Variants in RAB37 observed in about 807,000 individuals in gnomAD.
RAB37 encodes RAB37, member RAS oncogene family.
RAB37 carries 29 observed loss-of-function variants against 33.1 expected under a neutral mutation model. The ratio of observed to expected loss-of-function variants is 0.88; its 90% confidence interval spans 0.65 to 1.20. The LOEUF is 1.20. Among genes scored for constraint, RAB37 ranks in the 50% most tolerant of loss-of-function variants. The pLI, the probability that RAB37 is intolerant of heterozygous loss-of-function variation, is 0.00. For missense variants in RAB37, 299 were observed against 301.1 expected, an observed-to-expected ratio of 0.99 and a Z score of 0.05; for synonymous variants, 128 against 119.5, an observed-to-expected ratio of 1.07 and a Z score of -0.47.
intron 1 of RAB37, among the ~76,000 whole-genome samples, chr17:74,695,536 CCT>C (rs1321122719): frequency 6.6e-6 from 1 of 152,180 alleles, no homozygotes; most frequent in Admixed American, 6.5e-5. Context: ...TTTGCCAGTC[CCT>C]GTGTCCCCAG....
At chr17:74,681,152 C>T (rs1357218355) in intron 1 of RAB37, among the ~76,000 whole-genome samples, 2 of 152,260 alleles carry the variant, frequency 1.3e-5, no homozygotes, top group Admixed American at 6.5e-5. Flanking sequence ...CTGACTGCAG[C>T]TCAGTGTGCC....
chr17:74,711,831 TCA>T (rs2033983667), intron 1 of RAB37, among the ~76,000 whole-genome samples: 2 of 152,094 alleles, frequency 1.3e-5, no homozygotes, highest in African/African-American at 4.8e-5. Context: ...TCTGTTTTCC[TCA>T]CAGTACTTAT....
intron 1 of RAB37, among the ~76,000 whole-genome samples, chr17:74,680,496 A>C (rs1483801668): frequency 6.6e-6 from 1 of 152,134 alleles, no homozygotes; most frequent in Admixed American, 6.5e-5. Context: ...AGGGGAAAAA[A>C]TGGAACTTGG....
At chr17:74,737,035 G>A (rs1419074013), upstream of RAB37, 1 of 1,607,444 alleles carries the variant, frequency 6.2e-7, no homozygotes. Flanking sequence ...GAAGCGCACG[G>A]AGCCGAGCCG....
chr17:74,704,290 C>T (rs1304244213), intron 1 of RAB37: 2 of 591,706 alleles, frequency 3.4e-6, no homozygotes, highest in East Asian at 5.6e-5. Context: ...TGGAGGGAGC[C>T]CTGGGAGCCA....
At chr17:74,695,797 G>A in intron 1 of RAB37, 1 of 1,614,178 alleles carries the variant, frequency 6.2e-7, no homozygotes, top group South Asian at 1.1e-5. Context: ...TTTGCGGGGA[G>A]GTTCCGGCCA....
At chr17:74,722,282 CA>C (rs375629072) in intron 1 of RAB37, among the ~76,000 whole-genome samples, 1,633 of 65,526 alleles carry the variant, frequency 0.025, 14 homozygotes, top group African/African-American at 0.067. Context: ...GACTCTGTCT[CA>C]AAAAAAAAAA....
intron 1 of RAB37, among the ~76,000 whole-genome samples, chr17:74,694,109 T>C (rs185624725): frequency 2.2e-3 from 334 of 152,226 alleles, no homozygotes; most frequent in African/African-American, 7.1e-3. Context: ...CTCATCTGCT[T>C]ACTTGCCATT....
intron 1 of RAB37, among the ~76,000 whole-genome samples, chr17:74,697,432 G>A (rs1365134768): frequency 6.6e-6 from 1 of 152,142 alleles, no homozygotes; most frequent in Admixed American, 6.5e-5. Flanking sequence ...CTTAGGCCGT[G>A]GGCAATACAT....
chr17:74,682,722 T>G (rs1346824945), intron 1 of RAB37, among the ~76,000 whole-genome samples: 1 of 152,188 alleles, frequency 6.6e-6, no homozygotes, highest in East Asian at 1.9e-4. Flanking sequence ...CTGACCAACA[T>G]GGGGAAACCC....
intron 1 of RAB37, among the ~76,000 whole-genome samples, chr17:74,680,032 T>C (rs1370476316): frequency 6.7e-6 from 1 of 150,294 alleles, no homozygotes; most frequent in Non-Finnish European, 1.5e-5. Flanking sequence ...CTCAAGGTCA[T>C]AGCCAGCATT....
intron 1 of RAB37, among the ~76,000 whole-genome samples, chr17:74,709,245 T>C (rs894799026): frequency 1.3e-5 from 2 of 149,312 alleles, no homozygotes; most frequent in African/African-American, 4.9e-5. Flanking sequence ...AAAAAGAAAA[T>C]CAATAAGGGT....
chr17:74,740,113 G>A lies in RAB37; in HGVS notation c.94-655G>A, dbSNP rs570033594. Among the ~76,000 whole-genome samples, 8 of 150,074 alleles carry A rather than the reference G, an allele frequency of 5.3e-5. 1 individual carries two copies. The highest frequency in any genetic ancestry group is 1.5e-4 in the African/African-American group (6 of 40,796). On this transcript the variant is annotated intron_variant, in intron 1 of 8. Coordinates refer to ENST00000392613, the MANE Select transcript of RAB37 (RefSeq NM_001006638.3). The stretch of plus-strand genomic sequence containing the variant: ...GGAGGTTGTGGTGAGCCAAGATCTC[G>A]CCATTGCACTCCAGCCTGGGCAACA...
Position 74,707,826 on chromosome 17 carries a change from A to G in RAB37, c.73-21430A>G, listed in dbSNP as rs1364773949. Among the ~76,000 whole-genome samples, 4 of 152,192 alleles carry G rather than the reference A, an allele frequency of 2.6e-5. No homozygotes were observed. The East Asian group carries it at 5.8e-4, about 22-fold the overall frequency. The stretch of plus-strand genomic sequence containing the variant: ...GATATAATAATAAAAGGATATTTAA[A>G]CAATGTTATGCCAATGAATTTACAA... On this transcript the variant is annotated intron_variant, in intron 1 of 7. Transcript: ENST00000340415.
chr17:74,695,821 G>T, intron 1 of RAB37: 1 of 1,614,154 alleles, frequency 6.2e-7, no homozygotes, highest in South Asian at 1.1e-5. Context: ...GCAGGGTCAG[G>T]TCTGCATAGC....
At position 74,671,786 on chromosome 17, in the gene RAB37, C is replaced by T. The variant is rs941451079; in HGVS notation, c.72+128C>T. The stretch of plus-strand genomic sequence containing the variant: ...GCTTGTATCTGTGAGTCTGGGGAGC[C>T]CTTTCTGTCTGATCCTGTTTCCTGC... On this transcript the variant is annotated intron_variant, in intron 1 of 7. Coordinates refer to the RAB37 transcript ENST00000340415. The surrounding 1 kb of genome is among the most constrained non-coding windows in gnomAD (Gnocchi z 5.0). The T allele has an allele frequency of 1.3e-6, 1 of 795,102 alleles. No homozygotes were observed. Among genetic ancestry groups the T allele is most frequent in the Middle Eastern group, 2.3e-4 (1 of 4,354 alleles). The allele number at this position is 795,102 out of a possible 1,614,324, so 49.3% of individuals were successfully genotyped here. A position where few individuals can be genotyped will look rare whatever the true frequency, so the allele number is the denominator to read the frequency against.
At chr17:74,692,098 C>T (rs945241816) in intron 1 of RAB37, among the ~76,000 whole-genome samples, 2 of 151,942 alleles carry the variant, frequency 1.3e-5, no homozygotes, top group Non-Finnish European at 2.9e-5. Flanking sequence ...GATCTCCTGA[C>T]CTTGTGATCC....
intron 1 of RAB37, among the ~76,000 whole-genome samples, chr17:74,678,509 C>T (rs911862400): frequency 1.3e-5 from 2 of 152,222 alleles, no homozygotes; most frequent in African/African-American, 4.8e-5. Context: ...AGCACCTTCT[C>T]ATTTGCTTAT....
intron 1 of RAB37, among the ~76,000 whole-genome samples, chr17:74,713,983 G>A (rs1369381468): frequency 2.7e-5 from 4 of 150,350 alleles, no homozygotes; most frequent in Non-Finnish European, 5.9e-5. Flanking sequence ...GCCAAGGTAG[G>A]CAGATCACTC....
Sources: allele counts gnomAD v4.1 joint callset (sites outside exome capture counted in the v4.1 genomes callset), GRCh38; gene constraint gnomAD v4.1.1; non-coding constraint Gnocchi (gnomAD v3.1); transcripts MANE v1.5; gene names NCBI Gene and HGNC (gene_info 2026-07-23, HGNC 2026-07-21).